The following ZMYND8 variants were observed in gnomAD, a reference collection of about 807,000 sequenced individuals.
ZMYND8 encodes zinc finger MYND-type containing 8.
A neutral mutation model predicts 140.8 loss-of-function variants in ZMYND8; 37 were observed. The observed-to-expected ratio is 0.26, with a 90% CI of 0.20 to 0.35. The LOEUF is 0.35. Ranked by LOEUF, ZMYND8 falls within the 10% of genes least tolerant of loss-of-function variation. The pLI is 1.00. For synonymous variants in ZMYND8, 592 were observed against 597.1 expected (o/e 0.99, Z 0.12); for missense variants, 1,068 against 1,570.0 (o/e 0.68, Z 5.40).
chr20:47,326,526 T>C (rs545093378), intron 2 of ZMYND8, among the ~76,000 whole-genome samples: 4 of 152,362 alleles, frequency 2.6e-5, no homozygotes, highest in Admixed American at 2.6e-4. Context: ...GCCACTGAGA[T>C]GGCCATTTAA....
rs754638508 is a variant in ZMYND8 at position 47,275,488 on chromosome 20, T to C, written c.1480+826A>G. 9.7e-5 allele frequency among the ~76,000 whole-genome samples: 13 copies of C among 134,052 alleles called. No individual in the cohort carries two copies. In the South Asian group the frequency reaches 2.5e-3, roughly 26 times the overall value. The allele number at this position is 134,052 out of a possible 152,430, so 87.9% of individuals were successfully genotyped here. A position where few individuals can be genotyped will look rare whatever the true frequency, so the allele number is the denominator to read the frequency against. ...CAGTCTGGGTGACAGAGCGAGACTATGTCTCCAAAAAAAAAAAAAAACACA... is the reference window on the plus strand; with the variant it reads ...CAGTCTGGGTGACAGAGCGAGACTACGTCTCCAAAAAAAAAAAAAAACACA... On this transcript the variant is annotated intron_variant, in intron 11 of 22. Coordinates refer to ENST00000471951, the MANE Select transcript of ZMYND8 (RefSeq NM_001281775.3).
chr20:47,291,963 G>T, intron 5 of ZMYND8, 75 bp from the exon 6 acceptor site: 1 of 1,329,692 alleles, frequency 7.5e-7, no homozygotes. Flanking sequence ...CTAACAAAAG[G>T]CTTGAAAAAT....
Position 47,210,431 on chromosome 20 carries a change from A to ATTGT in ZMYND8, c.*329_*330insACAA, listed in dbSNP as rs2035081167. On this transcript the variant is annotated 3_prime_UTR_variant, in exon 23 of 23. Coordinates refer to ENST00000471951, the MANE Select transcript of ZMYND8 (RefSeq NM_001281775.3). ...TGGTTGCTTTTTTTTTTTTTTTTAA[A>ATTGT]TCGTTTTTCTTTTTCTTTTTTTTTT... The ATTGT allele has an allele frequency of 6.8e-6, 1 of 146,580 alleles. No homozygotes were observed. Among genetic ancestry groups the ATTGT allele is most frequent in the South Asian group, 2.0e-4 (1 of 4,894 alleles). 9.1% of individuals were successfully genotyped at this position (146,580 alleles called of 1,614,324 possible). A position where few individuals can be genotyped will look rare whatever the true frequency, so the allele number is the denominator to read the frequency against.
intron 12 of ZMYND8, among the ~76,000 whole-genome samples, chr20:47,250,631 G>A (rs1394377679): frequency 6.6e-6 from 1 of 152,180 alleles, no homozygotes; most frequent in Non-Finnish European, 1.5e-5. Context: ...CTGAGAGCTG[G>A]GCTGGAAGCA....
At chr20:47,276,907 T>C (rs3746485) in intron 10 of ZMYND8, 112 bp from the exon 11 acceptor site, 335,879 of 730,728 alleles carry the variant, frequency 0.46, 82,149 homozygotes, top group African/African-American at 0.49. Context: ...ATTCTTATTC[T>C]ATTAAAAAAA....
intron 14 of ZMYND8, among the ~76,000 whole-genome samples, chr20:47,241,920 C>G (rs573857372): frequency 6.6e-6 from 1 of 151,612 alleles, no homozygotes; most frequent in Non-Finnish European, 1.5e-5. Context: ...TGGGTTCACA[C>G]CATTCTCCTG....
At chr20:47,261,963 C>T (rs903046323) in intron 12 of ZMYND8, among the ~76,000 whole-genome samples, 3 of 151,782 alleles carry the variant, frequency 2.0e-5, no homozygotes, top group South Asian at 2.1e-4. Context: ...CTTAGCTACT[C>T]GGGAGGCTGA....
chr20:47,244,551 C>T lies in ZMYND8; in HGVS notation c.2284+1457G>A, dbSNP rs558536811. ...TAGTCACTGCTGGTTCAGAATATAA[C>T]CGTAGCCTCTGAGACTCAGGGGATA... On this transcript the variant is annotated intron_variant, in intron 14 of 22. Coordinates refer to ENST00000471951, the MANE Select transcript of ZMYND8 (RefSeq NM_001281775.3). Among the ~76,000 whole-genome samples, 5 of 152,272 alleles carry T rather than the reference C, an allele frequency of 3.3e-5. No individual in the cohort carries two copies. The East Asian group carries it at 9.6e-4, about 29-fold the overall frequency.
At chr20:47,352,119 G>A (rs2082834837) in intron 1 of ZMYND8, 2 of 653,708 alleles carry the variant, frequency 3.1e-6, no homozygotes, top group East Asian at 1.4e-4. Flanking sequence ...ACGGACAGGT[G>A]TCTGTGCAAA....
chr20:47,307,600 T>G (rs995636638), intron 3 of ZMYND8, among the ~76,000 whole-genome samples: 1 of 151,912 alleles, frequency 6.6e-6, no homozygotes, highest in African/African-American at 2.4e-5. Context: ...CTGGGCACAG[T>G]GGCTCACGCC....
chr20:47,348,248 A>T, intron 1 of ZMYND8: 1 of 360,690 alleles, frequency 2.8e-6, no homozygotes, highest in East Asian at 6.9e-5. Flanking sequence ...GCCTTCAAAT[A>T]AACAAGCTTC....
intron 2 of ZMYND8, chr20:47,319,354 C>T (rs981718736): frequency 2.1e-4 from 52 of 252,198 alleles, no homozygotes; most frequent in African/African-American, 1.1e-3. Context: ...TTCTGCTGGC[C>T]GAGGTGACAA....
At chr20:47,347,709 A>T (rs1602155633) in intron 2 of ZMYND8, 147 bp downstream of exon 2, 1 of 766,624 alleles carries the variant, frequency 1.3e-6, no homozygotes, top group East Asian at 2.5e-5. Context: ...AATTAGGTTC[A>T]TCCATCAAAA....
rs1224716088 is a variant in ZMYND8 at position 47,209,773 on chromosome 20, T to C, written c.*988A>G. On this transcript the variant is annotated 3_prime_UTR_variant, in exon 23 of 23. Transcript: ENST00000471951. ...TGACGGGCCTTGCTTTCTCTCATAC[T>C]GCCTGTGTTTCATGCTTACATAAAA... 1 of 152,654 alleles carries C rather than the reference T, an allele frequency of 6.6e-6. No individual in the cohort carries two copies. Among genetic ancestry groups the C allele is most frequent in the Non-Finnish European group, 1.5e-5 (1 of 68,030 alleles). The allele number at this position is 152,654 out of a possible 1,614,324, so 9.5% of individuals were successfully genotyped here.
In ZMYND8 at chr20:47,210,215, G is replaced by GA. The variant is rs1317729733; in HGVS notation, c.*545dup. 6.5e-6 allele frequency: 1 copy of GA among 153,248 alleles called. No homozygotes were observed. The highest frequency in any genetic ancestry group is 1.5e-5 in the Non-Finnish European group (1 of 68,510). The allele number at this position is 153,248 out of a possible 1,614,324, so 9.5% of individuals were successfully genotyped here. A position where few individuals can be genotyped will look rare whatever the true frequency, so the allele number is the denominator to read the frequency against. On this transcript the variant is annotated 3_prime_UTR_variant, in exon 23 of 23. Coordinates refer to ENST00000471951, the MANE Select transcript of ZMYND8 (RefSeq NM_001281775.3). ...ACGGCTTGATGGGATAGTCTGTGCC[G>GA]AAACTCCCGATCCCAACATGCTGCG...
At chr20:47,296,290 T>C (rs952457177) in intron 4 of ZMYND8, among the ~76,000 whole-genome samples, 2 of 152,190 alleles carry the variant, frequency 1.3e-5, no homozygotes, top group African/African-American at 4.8e-5. Flanking sequence ...TGGCAGTGCC[T>C]GGTTCCCACA....
chr20:47,266,283 G>A (rs2075518165), intron 11 of ZMYND8, among the ~76,000 whole-genome samples: 1 of 139,954 alleles, frequency 7.1e-6, no homozygotes. Context: ...TTGGGGGGGA[G>A]GGGGGCGGGG....
intron 6 of ZMYND8, 85 bp from the exon 7 acceptor site, chr20:47,290,359 T>C (rs2077176062): frequency 4.8e-6 from 6 of 1,249,580 alleles, no homozygotes; most frequent in Non-Finnish European, 6.8e-6. Flanking sequence ...ATAATTTTTG[T>C]AGCAGTCATT....
chr20:47,263,687 G>A (rs1272261613), intron 11 of ZMYND8, among the ~76,000 whole-genome samples: 1 of 152,122 alleles, frequency 6.6e-6, no homozygotes, highest in Non-Finnish European at 1.5e-5. Flanking sequence ...GTGTAACCCT[G>A]GGCCAGTTAC....
Sources: gnomAD v4.1 joint callset for allele counts (sites outside exome capture counted in the v4.1 genomes callset) on GRCh38, gnomAD v4.1.1 for gene constraint, MANE v1.5 for transcripts, NCBI Gene and HGNC (gene_info 2026-07-23, HGNC 2026-07-21) for gene names.